The following RND3 variants were observed in gnomAD, a reference collection of about 807,000 sequenced individuals.
RND3 encodes the protein rho-related GTP-binding protein RhoE.
A neutral mutation model predicts 26.5 loss-of-function variants in RND3; 8 were observed. The observed-to-expected ratio is 0.30, with a 90% CI of 0.18 to 0.54. The LOEUF (loss-of-function observed/expected upper bound fraction) is 0.54. Ranked by LOEUF, RND3 falls within the 20% of genes least tolerant of loss-of-function variation. The probability of loss-of-function intolerance (pLI) is 0.94; values close to 1 mark genes in which losing one functional copy is unlikely to be tolerated. For missense variants in RND3, 207 were observed against 302.8 expected (o/e 0.68, Z 2.35); for synonymous variants, 113 against 113.0 (o/e 1.00, Z 0.00).
chr2:150,474,825 A>G (rs1686140508), intron 4 of RND3, 50 bp downstream of exon 4: 1 of 1,071,458 alleles, frequency 9.3e-7, no homozygotes, highest in Non-Finnish European at 1.4e-6. Context: ...CCACGTTTCT[A>G]TTTATACATC....
chr2:150,477,549 A>T (rs1229000903), intron 3 of RND3, among the ~76,000 whole-genome samples: 2 of 151,948 alleles, frequency 1.3e-5, no homozygotes, highest in Non-Finnish European at 2.9e-5. Flanking sequence ...TTTTATGGCC[A>T]CAAAGGAGAT....
At chr2:150,485,690 C>T (rs1024508658) in intron 3 of RND3, among the ~76,000 whole-genome samples, 1 of 152,128 alleles carries the variant, frequency 6.6e-6, no homozygotes, top group South Asian at 2.1e-4. Context: ...GCCTATGTCC[C>T]AGCCCAAGAC....
rs34091764 is a variant in RND3, at chr2:150,469,643, C to CAAA, written c.*341_*343dup. The CAAA allele has an allele frequency of 0.51, 91,240 of 180,542 alleles. 22,765 individuals carry two copies. Among genetic ancestry groups the CAAA allele is most frequent in the South Asian group, 0.6 (4,551 of 7,592 alleles). 11.2% of individuals were successfully genotyped at this position (180,542 alleles called of 1,614,324 possible). A position where few individuals can be genotyped will look rare whatever the true frequency, so the allele number is the denominator to read the frequency against. On this transcript the variant is annotated 3_prime_UTR_variant, in exon 6 of 6. Coordinates refer to ENST00000263895, the MANE Select transcript of RND3 (RefSeq NM_005168.5). The stretch of plus-strand genomic sequence containing the variant: ...GTGGAGATCCATGAATAGATTATAA[C>CAAA]AAAAAAAAAAAACCCAAAAATGCAA...
chr2:150,486,093 C>T lies in RND3; in HGVS notation c.238+601G>A, dbSNP rs1023868172. On this transcript the variant is annotated intron_variant, in intron 3 of 5. Coordinates refer to ENST00000263895, the MANE Select transcript of RND3 (RefSeq NM_005168.5). This position sits in a 1 kb window ranked among gnomAD's most constrained non-coding sequence, Gnocchi z 4.5. ...TGGGCACCGAGGCACCGCGGGCGGC[C>T]GGCAGCGCGAAGAGGAGGTTCAGCT... 6.6e-6 allele frequency among the ~76,000 whole-genome samples: 1 copy of T among 152,156 alleles called. No individual in the cohort carries two copies. The highest frequency in any genetic ancestry group is 2.4e-5 in the African/African-American group (1 of 41,438).
chr2:150,470,379 A>T (rs1686067843), intron 5 of RND3, 141 bp from the exon 6 acceptor site: 1 of 857,268 alleles, frequency 1.2e-6, no homozygotes, highest in African/African-American at 1.7e-5. Context: ...GTCATTGCAA[A>T]AAAAAAAAGT....
chr2:150,470,355 T>C, intron 5 of RND3, 117 bp from the exon 6 acceptor site: 1 of 1,070,516 alleles, frequency 9.3e-7, no homozygotes, highest in South Asian at 1.6e-5. Flanking sequence ...ATATGTTAAC[T>C]GAATTTTCCA....
intron 3 of RND3, among the ~76,000 whole-genome samples, chr2:150,480,391 A>T (rs1005117704): frequency 1.3e-5 from 2 of 152,204 alleles, no homozygotes; most frequent in African/African-American, 4.8e-5. Context: ...GAAAGTGACC[A>T]ATATGTAGCA....
intron 3 of RND3, among the ~76,000 whole-genome samples, chr2:150,478,691 AATTTTTAC>A (rs1265495781): frequency 2.0e-5 from 3 of 151,984 alleles, no homozygotes; most frequent in Non-Finnish European, 4.4e-5. Flanking sequence ...AGGGCTCAAC[AATTTTTAC>A]TAAGTATGAA....
intron 4 of RND3, 83 bp from the exon 5 acceptor site, chr2:150,471,844 A>G (rs917467699): frequency 4.3e-6 from 5 of 1,154,444 alleles, no homozygotes; most frequent in Non-Finnish European, 6.2e-6. Context: ...ACTGGCTGAC[A>G]TTAGAATGAA....
chr2:150,479,752 G>A (rs574329391), intron 3 of RND3, among the ~76,000 whole-genome samples: 1 of 152,248 alleles, frequency 6.6e-6, no homozygotes, highest in South Asian at 2.1e-4. Context: ...ATCAAGTCTG[G>A]GCAGAACTTT....
intron 5 of RND3, among the ~76,000 whole-genome samples, chr2:150,471,241 A>T (rs1391304158): frequency 6.6e-6 from 1 of 152,182 alleles, no homozygotes; most frequent in Non-Finnish European, 1.5e-5. Context: ...CTTGGGGGAA[A>T]TGCTTACAGA....
chr2:150,474,809 C>G (rs1055492433), intron 4 of RND3, 66 bp downstream of exon 4: 13 of 930,244 alleles, frequency 1.4e-5, no homozygotes, highest in African/African-American at 3.3e-5. Flanking sequence ...AGCTTCCCAA[C>G]AAACCCCACG....
chr2:150,478,192 A>T (rs1018022935), intron 3 of RND3, among the ~76,000 whole-genome samples: 3 of 145,908 alleles, frequency 2.1e-5, no homozygotes, highest in Admixed American at 6.9e-5. Flanking sequence ...CTTTCAGGAT[A>T]AAAAAAAAAA....
chr2:150,475,194 T>C, intron 3 of RND3: 1 of 437,474 alleles, frequency 2.3e-6, no homozygotes, highest in Non-Finnish European at 4.2e-6. Flanking sequence ...CTGACATAAA[T>C]TCAAGAAGAG....
chr2:150,487,614 G>T lies in RND3; in HGVS notation c.-104C>A, dbSNP rs920203102. 2 of 161,538 alleles carry T rather than the reference G, an allele frequency of 1.2e-5. No homozygotes were observed. The highest frequency in any genetic ancestry group is 4.0e-4 in the South Asian group (2 of 5,022). 10.0% of individuals were successfully genotyped at this position (161,538 alleles called of 1,614,324 possible). A position where few individuals can be genotyped will look rare whatever the true frequency, so the allele number is the denominator to read the frequency against. ...CAGGCTGGTTACTCCCCTCCAACAA[G>T]TTTTAAGCCTGACTCCTCACCGCGC... On this transcript the variant is annotated 5_prime_UTR_variant, in exon 1 of 6. Transcript: ENST00000263895.
rs183504185 is a variant in RND3, at chr2:150,483,683, G to A, written c.238+3011C>T. ...TGGAATTAAATGGAAAAATGTTAAA[G>A]ATCCTTGAAATAATTAGTTGCTGAT... is the stretch of plus-strand genomic sequence containing the variant. On this transcript the variant is annotated intron_variant, in intron 3 of 5. Transcript: ENST00000263895. Among the ~76,000 whole-genome samples, 92 of 152,302 alleles carry A rather than the reference G, an allele frequency of 6.0e-4. 1 individual carries two copies. The highest frequency in any genetic ancestry group is 3.9e-3 in the South Asian group (19 of 4,830).
Position 150,472,140 on chromosome 2 carries a change from G to A in RND3, c.349-379C>T, listed in dbSNP as rs547755251. 5.9e-5 allele frequency among the ~76,000 whole-genome samples: 9 copies of A among 152,226 alleles called. No individual in the cohort carries two copies. In the South Asian group the frequency reaches 6.2e-4, roughly 11 times the overall value. On this transcript the variant is annotated intron_variant, in intron 4 of 5. Transcript: ENST00000263895. Reference sequence around the variant, plus strand: ...ATCCTAACAAGTGACCACATCCTTCGATGTGTGGATCTGATCCTCCTTCAC... The same window carrying A: ...ATCCTAACAAGTGACCACATCCTTCAATGTGTGGATCTGATCCTCCTTCAC...
At position 150,476,160 on chromosome 2, in the gene RND3, T is replaced by G. The variant is rs545404958; in HGVS notation, c.239-1176A>C. On this transcript the variant is annotated intron_variant, in intron 3 of 5. Transcript: ENST00000263895. ...AAGAAAATCTAAACCACCAAACTCTTTTTAAAAGTCTATTTCATTTTGACA... is the reference window on the plus strand; with the variant it reads ...AAGAAAATCTAAACCACCAAACTCTGTTTAAAAGTCTATTTCATTTTGACA... Among the ~76,000 whole-genome samples the G allele has an allele frequency of 2.6e-5, 4 of 152,278 alleles. No homozygotes were observed. In the East Asian group the frequency reaches 7.7e-4, roughly 29 times the overall value.
intron 3 of RND3, among the ~76,000 whole-genome samples, chr2:150,482,930 C>G (rs945067891): frequency 1.3e-5 from 2 of 152,100 alleles, no homozygotes; most frequent in African/African-American, 2.4e-5. Flanking sequence ...TCTCCATTAC[C>G]CCACCTGAAC....
Sources: allele counts gnomAD v4.1 joint callset (sites outside exome capture counted in the v4.1 genomes callset), GRCh38; gene constraint gnomAD v4.1.1; non-coding constraint Gnocchi (gnomAD v3.1); transcripts MANE v1.5; gene names NCBI Gene and HGNC (gene_info 2026-07-23, HGNC 2026-07-21).